The following SPNS2 variants were observed in gnomAD, a reference collection of about 807,000 sequenced individuals.
SPNS2 encodes the protein sphingosine-1-phosphate transporter SPNS2.
Under a neutral mutation model 57.6 loss-of-function variants are expected in SPNS2, and 37 were observed. The ratio of observed to expected loss-of-function variants is 0.64; its 90% CI spans 0.49 to 0.85. The LOEUF is 0.85. Among genes scored for constraint, SPNS2 ranks in the 40% least tolerant of loss-of-function variants. SPNS2 has a pLI of 0.00. For missense variants in SPNS2, 831 were observed against 779.1 expected (o/e 1.07, Z -0.79); for synonymous variants, 440 against 346.9 (o/e 1.27, Z -2.98).
In SPNS2 at chr17:4,538,252, A is replaced by C. The variant is rs1367814435; in HGVS notation, c.*804A>C. The stretch of plus-strand genomic sequence containing the variant: ...GCTTCTCTCCCTGCCACCACCCCCC[A>C]AGCCAGGACCCCACTCCTTCCCCGA... On this transcript the variant is annotated 3_prime_UTR_variant, in exon 13 of 13. Coordinates refer to ENST00000329078, the MANE Select transcript of SPNS2 (RefSeq NM_001124758.3). The C allele has an allele frequency of 3.1e-5, 6 of 193,924 alleles. No individual in the cohort carries two copies. Among genetic ancestry groups the C allele is most frequent in the Non-Finnish European group, 5.4e-5 (5 of 93,212 alleles). 12.0% of individuals were successfully genotyped at this position (193,924 alleles called of 1,614,324 possible).
rs775140305 is a variant in SPNS2, at chr17:4,536,540, C to G, written c.1607+114C>G. On this transcript the variant is annotated intron_variant, in intron 11 of 12. Transcript: ENST00000329078. ...GGAGGGTACAGACCTCCCATGCACT[C>G]AGTGCACCCACTGGTTGCTGGGGTC... 5.5e-6 allele frequency: 7 copies of G among 1,278,422 alleles called. No individual in the cohort carries two copies. In the Admixed American group the frequency reaches 1.7e-4, roughly 31 times the overall value. The allele number at this position is 1,278,422 out of a possible 1,614,324, so 79.2% of individuals were successfully genotyped here.
At position 4,499,359 on chromosome 17, in the gene SPNS2, C is replaced by T. The variant is rs1904394111; in HGVS notation, c.312C>T (p.Ala104=). 7.0e-6 allele frequency: 10 copies of T among 1,429,996 alleles called. No homozygotes were observed. Among genetic ancestry groups the T allele is most frequent in the Non-Finnish European group, 9.1e-6 (10 of 1,096,306 alleles). 88.6% of individuals were successfully genotyped at this position (1,429,996 alleles called of 1,614,324 possible). Reference sequence around the variant, plus strand: ...GCTTGGGCCGCGGGCGGGGGGCAGCCGCCGCCATCCTCAGCTTGGGCAACG... The same window carrying T: ...GCTTGGGCCGCGGGCGGGGGGCAGCTGCCGCCATCCTCAGCTTGGGCAACG... ...PASLGRGRGA[A]AAILSLGNVL... Residue 104 remains alanine, a synonymous_variant, in exon 1 of 13, where the codon GCC becomes GCT. Transcript: ENST00000329078. The surrounding 1 kb of genome is among the most constrained non-coding windows in gnomAD (Gnocchi z 5.2).
At chr17:4,536,037 T>C (rs1167625801) in intron 9 of SPNS2, 39 bp from the exon 10 acceptor site, 8 of 1,586,796 alleles carry the variant, frequency 5.0e-6, no homozygotes, top group Non-Finnish European at 6.0e-6. Context: ...CGCGTGAGCC[T>C]TTCTCCTCTG....
chr17:4,503,212 G>A (rs145350237), intron 1 of SPNS2, among the ~76,000 whole-genome samples: 184 of 152,348 alleles, frequency 1.2e-3, no homozygotes, highest in African/African-American at 3.8e-3. Flanking sequence ...CCAGTCCCAG[G>A]AGCCCCAGGT....
chr17:4,530,420 C>G (rs1905411372), intron 3 of SPNS2, among the ~76,000 whole-genome samples: 1 of 152,204 alleles, frequency 6.6e-6, no homozygotes, highest in Non-Finnish European at 1.5e-5. Context: ...CTGGGCCGGC[C>G]AGGCCCCGTC....
rs202104023 is a variant in SPNS2 at position 4,533,811 on chromosome 17, G to A, written c.1302G>A (p.Thr434=). Residue 434 remains threonine, a synonymous_variant, in exon 9 of 13, where the codon ACG becomes ACA. Coordinates refer to ENST00000329078, the MANE Select transcript of SPNS2 (RefSeq NM_001124758.3). ...AGATCTGTATCTTCGTCGGGGAGAC[G>A]CTGCTGTTTTCTAACTGGGCCATCA... ...GAYICIFVGE[T]LLFSNWAITA... is the part of the protein sequence containing the mutation. 2.9e-5 allele frequency: 47 copies of A among 1,613,660 alleles called. No homozygotes were observed. Among genetic ancestry groups the A allele is most frequent in the African/African-American group, 2.3e-4 (17 of 75,054 alleles).
intron 1 of SPNS2, among the ~76,000 whole-genome samples, chr17:4,505,142 AG>A (rs1567586894): frequency 6.6e-6 from 1 of 152,150 alleles, no homozygotes; most frequent in Non-Finnish European, 1.5e-5. Context: ...CCTCCATCAC[AG>A]CACCTATCCC....
At chr17:4,522,379 C>T (rs1038344315) in intron 2 of SPNS2, among the ~76,000 whole-genome samples, 10 of 152,102 alleles carry the variant, frequency 6.6e-5, no homozygotes, top group African/African-American at 1.2e-4. Flanking sequence ...GCCTCATGCC[C>T]GGATTTGTGC....
At chr17:4,504,075 G>C (rs558655363) in intron 1 of SPNS2, among the ~76,000 whole-genome samples, 6 of 152,008 alleles carry the variant, frequency 3.9e-5, no homozygotes, top group Admixed American at 3.9e-4. Context: ...GTCACCTGGT[G>C]GGTAGGGGCT....
intron 11 of SPNS2, 83 bp from the exon 12 acceptor site, chr17:4,536,817 C>T (rs769566595): frequency 1.0e-5 from 12 of 1,191,070 alleles, no homozygotes; most frequent in South Asian, 2.5e-5. Context: ...TCAGCTGGCC[C>T]CCACGACACG....
At chr17:4,522,322 G>GTCA (rs771258208) in intron 2 of SPNS2, among the ~76,000 whole-genome samples, 18 of 152,344 alleles carry the variant, frequency 1.2e-4, no homozygotes, top group Non-Finnish European at 2.4e-4. Context: ...CCTGACTGAG[G>GTCA]TCACCGGCTG....
At chr17:4,503,344 A>G (rs1264613143) in intron 1 of SPNS2, among the ~76,000 whole-genome samples, 2 of 152,178 alleles carry the variant, frequency 1.3e-5, no homozygotes, top group Non-Finnish European at 2.9e-5. Context: ...GAGCTCCCCT[A>G]GGGCACATGG....
chr17:4,504,439 G>A (rs1314141225), intron 1 of SPNS2, among the ~76,000 whole-genome samples: 1 of 152,022 alleles, frequency 6.6e-6, no homozygotes, highest in African/African-American at 2.4e-5. Context: ...TTGAAACATA[G>A]TACCTTGGTC....
rs756513766 is a variant in SPNS2 at position 4,525,106 on chromosome 17, C to T, written c.486C>T (p.Gly162=). Reference sequence around the variant, plus strand: ...CTGCCCCCATCTTCGGCTACCTGGGCGACCGCTTCAACAGGAAGGTGATTC... The same window carrying T: ...CTGCCCCCATCTTCGGCTACCTGGGTGACCGCTTCAACAGGAAGGTGATTC... The part of the protein sequence containing the change: ...MVAAPIFGYL[G]DRFNRKVILS... The change falls in exon 3 of 13, where the codon GGC becomes GGT. Residue 162 remains glycine (G), a synonymous_variant. Coordinates refer to ENST00000329078, the MANE Select transcript of SPNS2 (RefSeq NM_001124758.3). 50 of 1,614,098 alleles carry T rather than the reference C, an allele frequency of 3.1e-5. No homozygotes were observed. Among genetic ancestry groups the T allele is most frequent in the African/African-American group, 5.3e-5 (4 of 74,934 alleles).
intron 3 of SPNS2, among the ~76,000 whole-genome samples, chr17:4,525,419 C>T (rs1403429138): frequency 1.3e-5 from 2 of 152,218 alleles, no homozygotes; most frequent in African/African-American, 4.8e-5. Context: ...CCTTCCAGCC[C>T]ATGTGGCCTC....
chr17:4,512,338 C>T lies in SPNS2; in HGVS notation c.371-909C>T, dbSNP rs376463047. Among the ~76,000 whole-genome samples the T allele has an allele frequency of 6.6e-6, 1 of 152,110 alleles. No homozygotes were observed. Among genetic ancestry groups the T allele is most frequent in the Non-Finnish European group, 1.5e-5 (1 of 68,022 alleles). On this transcript the variant is annotated intron_variant, in intron 1 of 12. Coordinates refer to ENST00000329078, the MANE Select transcript of SPNS2 (RefSeq NM_001124758.3). This position sits in a 1 kb window ranked among gnomAD's most constrained non-coding sequence, Gnocchi z 5.2. ...GATGGGGGTTGTGCTTACTCAGGAG[C>T]CCTGGCTGAGTGCTGCGAGGGGTAG...
At chr17:4,535,016 C>T (rs2144377397) in intron 9 of SPNS2, among the ~76,000 whole-genome samples, 2 of 152,328 alleles carry the variant, frequency 1.3e-5, no homozygotes, top group East Asian at 3.9e-4. Flanking sequence ...TCCACCCGCC[C>T]CCCACCTCTC....
chr17:4,514,992 G>A (rs935562177), intron 2 of SPNS2, among the ~76,000 whole-genome samples: 2 of 152,266 alleles, frequency 1.3e-5, no homozygotes, highest in East Asian at 1.9e-4. Context: ...TCTACCCCAC[G>A]CATCCTCCAT....
At position 4,510,620 on chromosome 17, in the gene SPNS2, C is replaced by T. The variant is rs1438575656; in HGVS notation, c.371-2627C>T. Among the ~76,000 whole-genome samples the T allele has an allele frequency of 6.6e-6, 1 of 152,228 alleles. No individual in the cohort carries two copies. Among genetic ancestry groups the T allele is most frequent in the East Asian group, 1.9e-4 (1 of 5,198 alleles). On this transcript the variant is annotated intron_variant, in intron 1 of 12. Coordinates refer to ENST00000329078, the MANE Select transcript of SPNS2 (RefSeq NM_001124758.3). The surrounding 1 kb of genome is among the most constrained non-coding windows in gnomAD (Gnocchi z 4.4). ...CTCCCAGAAATGGAACCTGCAGTTACTGCAGACCCGTGTCCCTCCTCTGGA... is the reference window on the plus strand; with the variant it reads ...CTCCCAGAAATGGAACCTGCAGTTATTGCAGACCCGTGTCCCTCCTCTGGA...
Sources: allele counts gnomAD v4.1 joint callset (sites outside exome capture counted in the v4.1 genomes callset), GRCh38; gene constraint gnomAD v4.1.1; non-coding constraint Gnocchi (gnomAD v3.1); transcripts MANE v1.5; gene names NCBI Gene and HGNC (gene_info 2026-07-23, HGNC 2026-07-21).